The following CSMD3 variants were observed in gnomAD, a reference collection of about 807,000 sequenced individuals.
CSMD3 encodes the protein CUB and Sushi multiple domains 3.
A neutral mutation model predicts 435.2 loss-of-function variants in CSMD3; 177 were observed. That is an observed-to-expected ratio of 0.41 (90% CI 0.36 to 0.46). The LOEUF is 0.46. Among genes scored for constraint, CSMD3 ranks in the 20% least tolerant of loss-of-function variants. CSMD3 has a pLI of 0.34. For missense variants in CSMD3, 4,265 were observed against 4,504.6 expected, an observed-to-expected ratio of 0.95 and a Z score of 1.52; for synonymous variants, 1,656 against 1,520.5, an observed-to-expected ratio of 1.09 and a Z score of -2.07.
chr8:112,761,513 C>T (rs2077837015), intron 13 of CSMD3, among the ~76,000 whole-genome samples: 1 of 151,968 alleles, frequency 6.6e-6, no homozygotes, highest in South Asian at 2.1e-4. Context: ...AGTGTTACCC[C>T]TCTTCTATTT....
At chr8:112,894,691 C>A (rs569759480) in intron 10 of CSMD3, among the ~76,000 whole-genome samples, 2 of 150,916 alleles carry the variant, frequency 1.3e-5, no homozygotes, top group East Asian at 2.0e-4. Flanking sequence ...AAAATTAAGA[C>A]GGATTTAGAT....
At chr8:113,331,581 A>G (rs1177058480) in intron 1 of CSMD3, among the ~76,000 whole-genome samples, 2 of 151,804 alleles carry the variant, frequency 1.3e-5, no homozygotes, top group Non-Finnish European at 3.0e-5. Context: ...ATAATCACAC[A>G]TAATAACCAA....
chr8:113,039,212 C>A (rs535362682), intron 5 of CSMD3, among the ~76,000 whole-genome samples: 5 of 152,022 alleles, frequency 3.3e-5, no homozygotes, highest in African/African-American at 1.2e-4. Context: ...GTTGTATTTG[C>A]ATTTTTTCCT....
chr8:112,701,541 G>A lies in CSMD3; in HGVS notation c.1973-11491C>T, dbSNP rs76545715. ...TAAGCCAGGTACTGGGAAAAATGAGGGAAAGGAAAGGATACCTTGAGTCCA... is the reference window on the plus strand; with the variant it reads ...TAAGCCAGGTACTGGGAAAAATGAGAGAAAGGAAAGGATACCTTGAGTCCA... On this transcript the variant is annotated intron_variant, in intron 13 of 70. Coordinates refer to ENST00000297405, the MANE Select transcript of CSMD3 (RefSeq NM_198123.2). Among the ~76,000 whole-genome samples, 617 of 152,218 alleles carry A rather than the reference G, an allele frequency of 4.1e-3. 3 individuals are homozygous for A. Among genetic ancestry groups the A allele is most frequent in the African/African-American group, 0.014 (585 of 41,544 alleles).
At chr8:112,748,142 A>G (rs1489283137) in intron 13 of CSMD3, among the ~76,000 whole-genome samples, 1 of 152,102 alleles carries the variant, frequency 6.6e-6, no homozygotes, top group African/African-American at 2.4e-5. Flanking sequence ...GAAAAGAGAA[A>G]GATCATTATC....
intron 59 of CSMD3, among the ~76,000 whole-genome samples, chr8:112,274,507 T>C (rs1817845410): frequency 6.6e-6 from 1 of 152,008 alleles, no homozygotes; most frequent in South Asian, 2.1e-4. Flanking sequence ...TCTAGAGATA[T>C]AGGAAGGAAA....
chr8:112,754,714 G>C (rs1247262816), intron 13 of CSMD3, among the ~76,000 whole-genome samples: 2 of 152,164 alleles, frequency 1.3e-5, no homozygotes, highest in African/African-American at 4.8e-5. Context: ...CCAGGGCAAA[G>C]TGCCTGAAAC....
chr8:112,340,260 C>T (rs1306513461), intron 42 of CSMD3, among the ~76,000 whole-genome samples: 1 of 152,114 alleles, frequency 6.6e-6, no homozygotes, highest in Non-Finnish European at 1.5e-5. Context: ...TAATTAATTT[C>T]CTTGCAAGCA....
intron 5 of CSMD3, among the ~76,000 whole-genome samples, chr8:113,080,212 C>T (rs7013894): frequency 0.67 from 102,224 of 152,014 alleles, 35,988 homozygotes; most frequent in East Asian, 0.95. Context: ...CAACTATACA[C>T]ATGGGAAGAC....
chr8:113,226,968 T>C (rs902411000), intron 3 of CSMD3, among the ~76,000 whole-genome samples: 1 of 151,622 alleles, frequency 6.6e-6, no homozygotes, highest in Non-Finnish European at 1.5e-5. Context: ...TAATATTATC[T>C]ACATTTACCA....
rs757103429 is a variant in CSMD3 at position 112,291,459 on chromosome 8, C to T, written c.8974+51G>A. The T allele has an allele frequency of 6.2e-5, 75 of 1,209,562 alleles. No individual in the cohort carries two copies. In the Middle Eastern group the frequency reaches 9.6e-4, roughly 15 times the overall value. The allele number at this position is 1,209,562 out of a possible 1,614,324, so 74.9% of individuals were successfully genotyped here. ...CATTTTATAAAGATGATAAACATTC[C>T]TATGGTTTCCATGACATGTTCTCAA... On this transcript the variant is annotated intron_variant, in intron 56 of 70. Coordinates refer to ENST00000297405, the MANE Select transcript of CSMD3 (RefSeq NM_198123.2).
intron 31 of CSMD3, among the ~76,000 whole-genome samples, chr8:112,477,299 A>G (rs1000326103): frequency 6.6e-6 from 1 of 152,192 alleles, no homozygotes; most frequent in African/African-American, 2.4e-5. Flanking sequence ...TTTAAACATT[A>G]GAAATATATC....
chr8:113,188,766 A>C (rs72687617), intron 3 of CSMD3, among the ~76,000 whole-genome samples: 15,638 of 151,920 alleles, frequency 0.1, 946 homozygotes, highest in Middle Eastern at 0.17. Context: ...TTCGAATCCT[A>C]TCTCTGCCAT....
chr8:112,634,130 G>T (rs912830466), intron 22 of CSMD3, among the ~76,000 whole-genome samples: 2 of 151,860 alleles, frequency 1.3e-5, no homozygotes, highest in East Asian at 1.9e-4. Context: ...GTACAAAGAG[G>T]TTAAGAAGAA....
intron 13 of CSMD3, among the ~76,000 whole-genome samples, chr8:112,726,002 C>T (rs1301763705): frequency 6.6e-6 from 1 of 151,884 alleles, no homozygotes; most frequent in Non-Finnish European, 1.5e-5. Context: ...CCTCAGAAAA[C>T]TTACAATTAT....
chr8:113,419,333 G>A (rs1243408729), intron 1 of CSMD3, among the ~76,000 whole-genome samples: 1 of 151,958 alleles, frequency 6.6e-6, no homozygotes, highest in African/African-American at 2.4e-5. Context: ...GGCCAAGCTG[G>A]TCTCAAACTC....
At chr8:112,487,622 T>C (rs900868433) in intron 31 of CSMD3, among the ~76,000 whole-genome samples, 35 of 152,092 alleles carry the variant, frequency 2.3e-4, no homozygotes, top group African/African-American at 8.2e-4. Flanking sequence ...CTCTATTGTG[T>C]TTGGAAGATA....
intron 32 of CSMD3, among the ~76,000 whole-genome samples, chr8:112,410,497 T>TAC (rs1832242635): frequency 1.2e-5 from 1 of 83,846 alleles, no homozygotes; most frequent in Non-Finnish European, 2.0e-5. Context: ...ATACTCCAAA[T>TAC]ATATATATAT....
intron 43 of CSMD3, 104 bp from the exon 44 acceptor site, chr8:112,336,933 T>C: frequency 2.1e-6 from 2 of 960,504 alleles, no homozygotes; most frequent in Admixed American, 3.9e-5. Context: ...ATGAAACACA[T>C]TTATGCCTTG....
Sources: gnomAD v4.1 joint callset for allele counts (sites outside exome capture counted in the v4.1 genomes callset) on GRCh38, gnomAD v4.1.1 for gene constraint, MANE v1.5 for transcripts, NCBI Gene and HGNC (gene_info 2026-07-23, HGNC 2026-07-21) for gene names.